The following LMBR1 variants were observed in gnomAD, a reference collection of about 807,000 sequenced individuals.
LMBR1 encodes the protein limb region 1 protein homolog.
In LMBR1, 52 loss-of-function variants were observed where a neutral mutation model predicts 73.9. That is an observed-to-expected ratio of 0.70 (90% CI 0.56 to 0.89). LMBR1 has a LOEUF of 0.89. LMBR1 is among the 40% of genes least tolerant of loss of function. The pLI is 0.00. For missense variants in LMBR1, 539 were observed against 579.8 expected, an observed-to-expected ratio of 0.93 and a Z score of 0.72; for synonymous variants, 215 against 209.4, an observed-to-expected ratio of 1.03 and a Z score of -0.23.
At chr7:156,725,940 T>C in intron 12 of LMBR1, 103 bp from the exon 13 acceptor site, 1 of 836,178 alleles carries the variant, frequency 1.2e-6, no homozygotes, top group South Asian at 1.8e-5. Context: ...TTATGAATGT[T>C]TACTACTTTG....
chr7:156,753,838 C>A (rs780178712), intron 9 of LMBR1, among the ~76,000 whole-genome samples: 1 of 152,058 alleles, frequency 6.6e-6, no homozygotes, highest in African/African-American at 2.4e-5. Context: ...ATGAGGGAGG[C>A]GCTGTCTTAG....
At position 156,873,359 on chromosome 7, in the gene LMBR1, G is replaced by T. The variant is rs565874364; in HGVS notation, c.66+19569C>A. ...AGGAGTGAAGCTGCAGATCTTCGCG[G>T]TGAGTGTTACAGCTCATAAAAGCAG... is the stretch of plus-strand genomic sequence containing the variant. On this transcript the variant is annotated intron_variant, in intron 1 of 16. Coordinates refer to ENST00000353442, the MANE Select transcript of LMBR1 (RefSeq NM_022458.4). Among the ~76,000 whole-genome samples the T allele has an allele frequency of 7.2e-5, 11 of 152,290 alleles. No individual in the cohort carries two copies. In the East Asian group the frequency reaches 1.4e-3, roughly 19 times the overall value.
intron 2 of LMBR1, 148 bp downstream of exon 2, chr7:156,836,665 T>C: frequency 4.2e-6 from 2 of 473,504 alleles, no homozygotes. Context: ...AGGTTATTTT[T>C]AGGTCTCCTA....
intron 9 of LMBR1, among the ~76,000 whole-genome samples, chr7:156,753,855 G>A (rs564027737): frequency 2.6e-4 from 39 of 152,190 alleles, no homozygotes; most frequent in African/African-American, 8.4e-4. Context: ...TTAGCCAAAC[G>A]ACAGGTGCTC....
At chr7:156,719,236 G>GT (rs1218382815) in intron 15 of LMBR1, among the ~76,000 whole-genome samples, 1 of 149,320 alleles carries the variant, frequency 6.7e-6, no homozygotes, top group Non-Finnish European at 1.5e-5. Context: ...GTGGTGTTTG[G>GT]TTTTTTGTCC....
chr7:156,847,649 G>A (rs1045326936), intron 1 of LMBR1, among the ~76,000 whole-genome samples: 7 of 150,350 alleles, frequency 4.7e-5, no homozygotes, highest in African/African-American at 9.7e-5. Flanking sequence ...GTGAAGATAC[G>A]CAGATAGCAA....
At chr7:156,791,378 G>C (rs1256841927) in intron 5 of LMBR1, among the ~76,000 whole-genome samples, 1 of 152,202 alleles carries the variant, frequency 6.6e-6, no homozygotes, top group African/African-American at 2.4e-5. Flanking sequence ...CGTGGAGACA[G>C]AGGCTGGACT....
chr7:156,688,211 T>C lies in LMBR1; in HGVS notation c.1226-20A>G, dbSNP rs759012273. ...TGATTCCTGTTAAAAATAAATAAAA[T>C]AGCCCTTAATGAAATCAGGTTAAGA... On this transcript the variant is annotated intron_variant, in intron 15 of 16. Coordinates refer to ENST00000353442, the MANE Select transcript of LMBR1 (RefSeq NM_022458.4). 7.7e-6 allele frequency: 12 copies of C among 1,555,102 alleles called. No individual in the cohort carries two copies. Among genetic ancestry groups the C allele is most frequent in the African/African-American group, 2.8e-5 (2 of 72,320 alleles).
At chr7:156,850,772 T>C (rs141825001) in intron 1 of LMBR1, among the ~76,000 whole-genome samples, 38 of 152,354 alleles carry the variant, frequency 2.5e-4, no homozygotes, top group African/African-American at 8.7e-4. Context: ...CTATTGTTTG[T>C]AATTGCAACA....
chr7:156,861,448 G>A lies in LMBR1; in HGVS notation c.67-24563C>T, dbSNP rs368236050. Among the ~76,000 whole-genome samples, 9 of 152,290 alleles carry A rather than the reference G, an allele frequency of 5.9e-5. No homozygotes were observed. The South Asian group carries it at 1.9e-3, about 32-fold the overall frequency. On this transcript the variant is annotated intron_variant, in intron 1 of 16. Coordinates refer to ENST00000353442, the MANE Select transcript of LMBR1 (RefSeq NM_022458.4). ...TCCTAAACCTCCCAGCCTATAATGG[G>A]AGGGGCTGCCACAAAGGTCTCTGAC...
intron 5 of LMBR1, among the ~76,000 whole-genome samples, chr7:156,771,758 CA>C (rs1393479046): frequency 6.6e-6 from 1 of 152,076 alleles, no homozygotes; most frequent in Non-Finnish European, 1.5e-5. Context: ...ATTCTGATAC[CA>C]AAACCTGGCT....
chr7:156,885,570 G>A (rs1237210739), intron 1 of LMBR1, among the ~76,000 whole-genome samples: 2 of 151,630 alleles, frequency 1.3e-5, no homozygotes, highest in African/African-American at 4.8e-5. Context: ...TGGGTAACAC[G>A]GAAATAACCC....
chr7:156,676,488 G>A (rs138921931), downstream of LMBR1: 71 of 1,613,926 alleles, frequency 4.4e-5, no homozygotes, highest in African/African-American at 9.3e-5. Context: ...CGGTCAGCGC[G>A]TGGGTGCAGG....
intron 5 of LMBR1, among the ~76,000 whole-genome samples, chr7:156,781,960 C>T (rs966317027): frequency 1.3e-5 from 2 of 152,222 alleles, no homozygotes; most frequent in Non-Finnish European, 2.9e-5. Context: ...CCAACTGAAA[C>T]TCTGTACCCA....
intron 1 of LMBR1, among the ~76,000 whole-genome samples, chr7:156,862,909 G>T (rs1485642477): frequency 1.3e-5 from 2 of 152,184 alleles, no homozygotes; most frequent in East Asian, 3.8e-4. Context: ...GACTAGGAAT[G>T]AAACTACACT....
chr7:156,714,550 G>C (rs190060228), intron 15 of LMBR1, among the ~76,000 whole-genome samples: 5 of 152,336 alleles, frequency 3.3e-5, no homozygotes, highest in South Asian at 2.1e-4. Flanking sequence ...GGTATAGATC[G>C]TATGTGTTAC....
At chr7:156,848,579 A>T (rs755152664) in intron 1 of LMBR1, among the ~76,000 whole-genome samples, 5 of 152,176 alleles carry the variant, frequency 3.3e-5, no homozygotes, top group Non-Finnish European at 7.4e-5. Flanking sequence ...TGGCTAGTGG[A>T]ACTGTCAATT....
chr7:156,701,628 C>A (rs1036891738), intron 15 of LMBR1, among the ~76,000 whole-genome samples: 1 of 152,268 alleles, frequency 6.6e-6, no homozygotes, highest in African/African-American at 2.4e-5. Flanking sequence ...AATGGTACAA[C>A]CACTCTTTTC....
chr7:156,688,644 C>T (rs1311935365), intron 15 of LMBR1, among the ~76,000 whole-genome samples: 1 of 152,154 alleles, frequency 6.6e-6, no homozygotes, highest in Non-Finnish European at 1.5e-5. Flanking sequence ...AACTGCCCGT[C>T]CCCTCTCTTT....
Sources: allele counts gnomAD v4.1 joint callset (sites outside exome capture counted in the v4.1 genomes callset), GRCh38; gene constraint gnomAD v4.1.1; transcripts MANE v1.5; gene names NCBI Gene and HGNC (gene_info 2026-07-23, HGNC 2026-07-21).